The following CDCP1 variants were observed in gnomAD, a reference collection of about 807,000 sequenced individuals.
CDCP1 encodes CUB domain-containing protein 1.
Under a neutral mutation model 60.2 loss-of-function variants are expected in CDCP1, and 29 were observed. The ratio of observed to expected loss-of-function variants is 0.48; its 90% CI spans 0.36 to 0.66. CDCP1 has a LOEUF of 0.66. Ranked by LOEUF, CDCP1 falls within the 30% of genes least tolerant of loss-of-function variation. The probability of loss-of-function intolerance (pLI) is 0.00; values close to 1 mark genes in which losing one functional copy is unlikely to be tolerated. For synonymous variants in CDCP1, 387 were observed against 431.1 expected (o/e 0.90, Z 1.27); for missense variants, 876 against 1,074.3 (o/e 0.82, Z 2.58).
At chr3:45,125,164 G>A (rs1576111656) in intron 1 of CDCP1, among the ~76,000 whole-genome samples, 1 of 152,200 alleles carries the variant, frequency 6.6e-6, no homozygotes, top group African/African-American at 2.4e-5. Flanking sequence ...GGAATAGCAG[G>A]TGCAAAGATG....
At chr3:45,094,988 G>A (rs1698371992) in intron 5 of CDCP1, among the ~76,000 whole-genome samples, 1 of 150,328 alleles carries the variant, frequency 6.7e-6, no homozygotes, top group Non-Finnish European at 1.5e-5. Context: ...AGGCTAGAGT[G>A]CGTGGTGCAA....
Position 45,112,454 on chromosome 3 carries a change from C to T in CDCP1, c.293-9G>A. The T allele has an allele frequency of 6.2e-7, 1 of 1,608,030 alleles. No homozygotes were observed. Among genetic ancestry groups the T allele is most frequent in the Non-Finnish European group, 8.5e-7 (1 of 1,175,780 alleles). On this transcript the variant is annotated splice_polypyrimidine_tract_variant and intron_variant, in intron 2 of 8. Coordinates refer to ENST00000296129, the MANE Select transcript of CDCP1 (RefSeq NM_022842.5). Reference sequence around the variant, plus strand: ...TGGGCCTGACATACAGTCTGAAAAACAGTCACAGAAGCAATTTTGATCACA... The same window carrying T: ...TGGGCCTGACATACAGTCTGAAAAATAGTCACAGAAGCAATTTTGATCACA...
chr3:45,134,048 G>C (rs1363646741), intron 1 of CDCP1, among the ~76,000 whole-genome samples: 1 of 152,132 alleles, frequency 6.6e-6, no homozygotes, highest in African/African-American at 2.4e-5. Flanking sequence ...ACCCACCCAC[G>C]GCAGCCAGGG....
At chr3:45,136,981 G>A (rs537555050) in intron 1 of CDCP1, among the ~76,000 whole-genome samples, 1 of 152,206 alleles carries the variant, frequency 6.6e-6, no homozygotes, top group African/African-American at 2.4e-5. Context: ...ATTGATACTG[G>A]TGAATTTGAT....
chr3:45,119,718 A>C (rs891298517), intron 1 of CDCP1, among the ~76,000 whole-genome samples: 10 of 152,282 alleles, frequency 6.6e-5, no homozygotes, highest in African/African-American at 2.4e-4. Context: ...AATCAACCTT[A>C]TTGACAGTAA....
At chr3:45,087,940 T>C (rs368995342) in intron 8 of CDCP1, among the ~76,000 whole-genome samples, 1 of 151,758 alleles carries the variant, frequency 6.6e-6, no homozygotes, top group Non-Finnish European at 1.5e-5. Flanking sequence ...GGGAATCGCT[T>C]GAACCCGGGA....
intron 1 of CDCP1, among the ~76,000 whole-genome samples, chr3:45,143,587 G>A (rs1344584409): frequency 2.0e-5 from 3 of 152,178 alleles, no homozygotes; most frequent in African/African-American, 7.2e-5. Context: ...AAGGCAGTTT[G>A]CTTATAGATA....
chr3:45,091,753 G>A lies in CDCP1; in HGVS notation c.1628-215C>T, dbSNP rs752581699. Among the ~76,000 whole-genome samples, 2 of 152,298 alleles carry A rather than the reference G, an allele frequency of 1.3e-5. No individual in the cohort carries two copies. The highest frequency in any genetic ancestry group is 1.5e-5 in the Non-Finnish European group (1 of 68,020). ...TTGAAATGTGCCCAGCATGACCAAA[G>A]AACTGCATTTTAAATTTGTTTCATG... On this transcript the variant is annotated intron_variant, in intron 6 of 8. Transcript: ENST00000296129. This position sits in a 1 kb window ranked among gnomAD's most constrained non-coding sequence, Gnocchi z 4.8.
intron 4 of CDCP1, among the ~76,000 whole-genome samples, chr3:45,097,471 A>G (rs1698420708): frequency 6.6e-6 from 1 of 151,154 alleles, no homozygotes; most frequent in Non-Finnish European, 1.5e-5. Flanking sequence ...ATCAACTTGT[A>G]CTGAGTTGCT....
intron 1 of CDCP1, among the ~76,000 whole-genome samples, chr3:45,121,210 T>A (rs139486882): frequency 5.3e-5 from 8 of 152,312 alleles, no homozygotes. Context: ...ATTAATAGCT[T>A]GAGAGAGAAT....
At chr3:45,130,765 G>A (rs955034152) in intron 1 of CDCP1, among the ~76,000 whole-genome samples, 1 of 152,190 alleles carries the variant, frequency 6.6e-6, no homozygotes, top group African/African-American at 2.4e-5. Context: ...TGTTGTCCCT[G>A]GGCCTTGTAA....
chr3:45,092,723 C>T (rs186010533), intron 6 of CDCP1, among the ~76,000 whole-genome samples: 75 of 152,288 alleles, frequency 4.9e-4, no homozygotes, highest in Non-Finnish European at 9.7e-4. Context: ...GTAGAAGTCA[C>T]GTTGTGAGCC....
intron 4 of CDCP1, among the ~76,000 whole-genome samples, chr3:45,103,926 T>G (rs574005869): frequency 6.6e-6 from 1 of 152,212 alleles, no homozygotes; most frequent in Non-Finnish European, 1.5e-5. Context: ...CAACACTAAA[T>G]GGACTATGAG....
At chr3:45,096,569 G>A (rs1698402661) in intron 4 of CDCP1, among the ~76,000 whole-genome samples, 1 of 142,306 alleles carries the variant, frequency 7.0e-6, no homozygotes, top group Non-Finnish European at 1.5e-5. Context: ...AGGTTGTTGA[G>A]AGCTGGGATT....
At chr3:45,138,592 C>T (rs866427483) in intron 1 of CDCP1, among the ~76,000 whole-genome samples, 7 of 152,284 alleles carry the variant, frequency 4.6e-5, no homozygotes, top group South Asian at 2.1e-4. Flanking sequence ...CCTTTAATCC[C>T]GGCACTTTGG....
In CDCP1 at chr3:45,129,120, C is replaced by T. The variant is rs1699047093; in HGVS notation, c.83-10499G>A. Among the ~76,000 whole-genome samples, 4 of 152,352 alleles carry T rather than the reference C, an allele frequency of 2.6e-5. No homozygotes were observed. In the South Asian group the frequency reaches 8.3e-4, roughly 32 times the overall value. ...TTGAATCATTTTTCTAAAGTGGTGA[C>T]AGGTTTGCACAGAACCATCCAAACT... On this transcript the variant is annotated intron_variant, in intron 1 of 8. Transcript: ENST00000296129.
Position 45,085,708 on chromosome 3 carries a change from C to T in CDCP1, c.2441G>A (p.Gly814Glu), listed in dbSNP as rs774593479. The change falls in exon 9 of 9, where the codon GGG becomes GAG. Residue 814 changes from glycine (G) to glutamate (E), a missense_variant. Around this residue, in one of 2 missense-constraint regions of CDCP1, gnomAD observed 726 missense variants for 935.7 expected, o/e 0.78. Transcript: ENST00000296129. The surrounding 1 kb of genome is among the most constrained non-coding windows in gnomAD (Gnocchi z 4.2). ...GTCTGTGTCCTTGCTGCTTACATCC[C>T]CATTGTTGGGATGGGAGAAGGTGTA... ...EPYTFSHPNN[G>E]DVSSKDTDIP... The T allele has an allele frequency of 1.2e-6, 2 of 1,614,126 alleles. No individual in the cohort carries two copies. The highest frequency in any genetic ancestry group is 2.2e-5 in the East Asian group (1 of 44,880).
At chr3:45,132,161 C>T (rs922473410) in intron 1 of CDCP1, among the ~76,000 whole-genome samples, 2 of 150,944 alleles carry the variant, frequency 1.3e-5, no homozygotes, top group South Asian at 2.1e-4. Flanking sequence ...ACTTGAGCCC[C>T]GGAGGCAGAG....
intron 1 of CDCP1, among the ~76,000 whole-genome samples, chr3:45,143,332 T>C (rs1699326722): frequency 6.6e-6 from 1 of 152,254 alleles, no homozygotes; most frequent in African/African-American, 2.4e-5. Context: ...GTTCATCCTT[T>C]CATGTCATTT....
Sources: allele counts gnomAD v4.1 joint callset (sites outside exome capture counted in the v4.1 genomes callset), GRCh38; gene constraint gnomAD v4.1.1; regional missense constraint gnomAD v4.1.1; non-coding constraint Gnocchi (gnomAD v3.1); transcripts MANE v1.5; gene names NCBI Gene and HGNC (gene_info 2026-07-23, HGNC 2026-07-21).